PTPRG: variants seen among roughly 807,000 people sequenced by gnomAD.
The protein encoded by PTPRG is protein tyrosine phosphatase receptor type G, also known as receptor-type tyrosine-protein phosphatase gamma.
PTPRG carries 102 observed loss-of-function variants against 165.3 expected under a neutral mutation model. That is an observed-to-expected ratio of 0.62 (90% CI 0.53 to 0.73). The LOEUF (loss-of-function observed/expected upper bound fraction) is 0.73, where lower values mean the gene tolerates loss of function less well. Among genes scored for constraint, PTPRG ranks in the 30% least tolerant of loss-of-function variants. PTPRG has a pLI of 0.00. For missense variants in PTPRG, 1,866 were observed against 1,861.4 expected, an observed-to-expected ratio of 1.00 and a Z score of -0.05; for synonymous variants, 675 against 669.5, an observed-to-expected ratio of 1.01 and a Z score of -0.13.
intron 4 of PTPRG, among the ~76,000 whole-genome samples, chr3:62,009,182 A>T (rs1246112936): frequency 6.6e-6 from 1 of 152,202 alleles, no homozygotes; most frequent in Non-Finnish European, 1.5e-5. Flanking sequence ...TATGGGTCTC[A>T]TGCCTATTGA....
At chr3:61,588,690 C>A (rs1700496565) in intron 1 of PTPRG, among the ~76,000 whole-genome samples, 1 of 152,320 alleles carries the variant, frequency 6.6e-6, no homozygotes, top group East Asian at 1.9e-4. Context: ...AGATAGTCCG[C>A]CTGCCTTGAC....
intron 1 of PTPRG, among the ~76,000 whole-genome samples, chr3:61,684,430 T>A (rs1703554382): frequency 6.6e-6 from 1 of 152,210 alleles, no homozygotes; most frequent in African/African-American, 2.4e-5. Flanking sequence ...CAGCCCTTTT[T>A]AAAAATATAG....
intron 2 of PTPRG, among the ~76,000 whole-genome samples, chr3:61,797,581 A>ACCACCCCCCCCCCC (rs2035088327): frequency 1.6e-5 from 2 of 127,376 alleles, no homozygotes; most frequent in Admixed American, 8.1e-5. Context: ...TTATCTCCAC[A>ACCACCCCCCCCCCC]CCCCCCCCCA....
chr3:61,893,503 G>T (rs57512939), intron 2 of PTPRG, among the ~76,000 whole-genome samples: 222 of 152,298 alleles, frequency 1.5e-3, no homozygotes, highest in African/African-American at 5.1e-3. Context: ...ATTATCTACC[G>T]TTAGCTTTGG....
chr3:62,041,747 A>G (rs17065730), intron 4 of PTPRG, among the ~76,000 whole-genome samples: 33,600 of 151,790 alleles, frequency 0.22, 3,881 homozygotes, highest in Admixed American at 0.3. Flanking sequence ...GGTAATGATC[A>G]TTGTGATGGT....
chr3:62,115,538 A>G (rs748115400), intron 5 of PTPRG, among the ~76,000 whole-genome samples: 3 of 152,156 alleles, frequency 2.0e-5, no homozygotes, highest in Non-Finnish European at 1.5e-5. Context: ...TGTCACTTCT[A>G]TATCTGCTTG....
chr3:61,967,965 C>A (rs1475845231), intron 2 of PTPRG, among the ~76,000 whole-genome samples: 1 of 152,034 alleles, frequency 6.6e-6, no homozygotes, highest in Non-Finnish European at 1.5e-5. Flanking sequence ...AGTTTAGATA[C>A]AAAATTTTGG....
rs1369931466 is a variant in PTPRG at position 61,932,043 on chromosome 3, T to C, written c.191-57582T>C. Among the ~76,000 whole-genome samples the C allele has an allele frequency of 2.0e-5, 3 of 152,246 alleles. No individual in the cohort carries two copies. The East Asian group carries it at 5.8e-4, about 29-fold the overall frequency. ...TTTTATTTTTTTACTATTTAAAACA[T>C]GTTTTTTGCTAACAATATTTTCCCC... On this transcript the variant is annotated intron_variant, in intron 2 of 29. Coordinates refer to ENST00000474889, the MANE Select transcript of PTPRG (RefSeq NM_002841.4).
intron 5 of PTPRG, among the ~76,000 whole-genome samples, chr3:62,108,048 T>C (rs1248826442): frequency 5.6e-5 from 7 of 124,944 alleles, no homozygotes; most frequent in African/African-American, 9.0e-5. Flanking sequence ...CTCTCGCTCT[T>C]TTTTTTTTTT....
At chr3:61,884,006 C>T (rs1246309361) in intron 2 of PTPRG, among the ~76,000 whole-genome samples, 1 of 152,182 alleles carries the variant, frequency 6.6e-6, no homozygotes, top group Non-Finnish European at 1.5e-5. Flanking sequence ...GTACAACATT[C>T]TTAGTTGTAT....
At chr3:62,069,187 T>G (rs980587134) in intron 4 of PTPRG, among the ~76,000 whole-genome samples, 3 of 152,178 alleles carry the variant, frequency 2.0e-5, no homozygotes, top group African/African-American at 7.2e-5. Flanking sequence ...GTTTCATCAG[T>G]TTTTACTTCT....
chr3:61,820,264 G>T (rs2035912020), intron 2 of PTPRG, among the ~76,000 whole-genome samples: 1 of 152,158 alleles, frequency 6.6e-6, no homozygotes, highest in Admixed American at 6.5e-5. Flanking sequence ...CTCTCTTGGA[G>T]GCCTGAAGAA....
chr3:61,836,539 C>T (rs755131744), intron 2 of PTPRG, among the ~76,000 whole-genome samples: 7 of 152,162 alleles, frequency 4.6e-5, no homozygotes, highest in Non-Finnish European at 1.0e-4. Context: ...TACTACCTTC[C>T]GGGTACTTTG....
At chr3:61,623,962 A>C (rs1031541909) in intron 1 of PTPRG, among the ~76,000 whole-genome samples, 10 of 152,192 alleles carry the variant, frequency 6.6e-5, no homozygotes, top group Non-Finnish European at 1.3e-4. Flanking sequence ...AGGCATATCC[A>C]AAGTTCTGTT....
chr3:61,741,409 A>G (rs893722231), intron 1 of PTPRG, among the ~76,000 whole-genome samples: 4 of 152,138 alleles, frequency 2.6e-5, no homozygotes, highest in Admixed American at 2.0e-4. Flanking sequence ...AGTAGTTTTC[A>G]TTTTGGCACT....
At chr3:61,773,772 C>G (rs1553665107) in intron 2 of PTPRG, among the ~76,000 whole-genome samples, 1 of 149,056 alleles carries the variant, frequency 6.7e-6, no homozygotes, top group Non-Finnish European at 1.5e-5. Flanking sequence ...ACCTTCTCCC[C>G]CATTGACTTT....
At chr3:62,004,902 C>G (rs2041259190) in intron 4 of PTPRG, among the ~76,000 whole-genome samples, 1 of 151,924 alleles carries the variant, frequency 6.6e-6, no homozygotes. Flanking sequence ...ACACATGCAT[C>G]TATCTACACA....
intron 1 of PTPRG, among the ~76,000 whole-genome samples, chr3:61,676,784 A>C (rs1703248713): frequency 6.6e-6 from 1 of 152,170 alleles, no homozygotes; most frequent in African/African-American, 2.4e-5. Context: ...CATCAGGGAT[A>C]GTTGGAGCCA....
chr3:62,201,213 T>C (rs922829062), intron 10 of PTPRG, among the ~76,000 whole-genome samples: 3 of 152,212 alleles, frequency 2.0e-5, no homozygotes, highest in African/African-American at 7.2e-5. Context: ...ATGTAAGCTT[T>C]TACCTCAATA....
Sources: allele counts gnomAD v4.1 joint callset (sites outside exome capture counted in the v4.1 genomes callset), GRCh38; gene constraint gnomAD v4.1.1; transcripts MANE v1.5; gene names NCBI Gene and HGNC (gene_info 2026-07-23, HGNC 2026-07-21).